The following VWC2 variants were observed in gnomAD, a reference collection of about 807,000 sequenced individuals.
VWC2 encodes the protein brorin.
Under a neutral mutation model 29.8 loss-of-function variants are expected in VWC2, and 14 were observed. That is an observed-to-expected ratio of 0.47 (90% CI 0.31 to 0.74). VWC2 has a LOEUF of 0.74. VWC2 is among the 30% of genes least tolerant of loss of function. The probability of loss-of-function intolerance (pLI) is 0.05; values close to 1 mark genes in which losing one functional copy is unlikely to be tolerated. For missense variants in VWC2, 457 were observed against 459.8 expected, an observed-to-expected ratio of 0.99 and a Z score of 0.05; for synonymous variants, 213 against 199.0, an observed-to-expected ratio of 1.07 and a Z score of -0.59.
chr7:49,861,003 A>C (rs1212837704), intron 3 of VWC2, among the ~76,000 whole-genome samples: 6 of 152,244 alleles, frequency 3.9e-5, no homozygotes, highest in Non-Finnish European at 8.8e-5. Context: ...GTGGTATTTT[A>C]AATGGTAGCT....
At chr7:49,907,181 G>A (rs1334959508) in intron 3 of VWC2, among the ~76,000 whole-genome samples, 1 of 152,138 alleles carries the variant, frequency 6.6e-6, no homozygotes, top group East Asian at 1.9e-4. Context: ...GAAATAATTT[G>A]CTTATTCTTA....
chr7:49,796,956 A>AT (rs1788606620), intron 2 of VWC2, among the ~76,000 whole-genome samples: 1 of 152,052 alleles, frequency 6.6e-6, no homozygotes, highest in Non-Finnish European at 1.5e-5. Flanking sequence ...TATAGGTCTC[A>AT]TTTTTCATTT....
intron 3 of VWC2, among the ~76,000 whole-genome samples, chr7:49,857,511 A>G (rs1170301421): frequency 6.6e-6 from 1 of 151,390 alleles, no homozygotes; most frequent in Non-Finnish European, 1.5e-5. Flanking sequence ...GATATCTTCA[A>G]AGAAGACATA....
intron 2 of VWC2, among the ~76,000 whole-genome samples, chr7:49,802,327 G>A (rs779345934): frequency 2.6e-5 from 4 of 150,972 alleles, no homozygotes; most frequent in East Asian, 3.9e-4. Flanking sequence ...AGGTGTCTTC[G>A]CAGAAAGTTT....
chr7:49,840,160 G>A (rs771595010), intron 3 of VWC2, among the ~76,000 whole-genome samples: 2 of 152,160 alleles, frequency 1.3e-5, no homozygotes, highest in Admixed American at 6.6e-5. Flanking sequence ...CTGTTCTTCC[G>A]TCAGTGGTAG....
intron 3 of VWC2, among the ~76,000 whole-genome samples, chr7:49,815,129 C>A (rs140793644): frequency 6.6e-6 from 1 of 152,090 alleles, no homozygotes; most frequent in Non-Finnish European, 1.5e-5. Flanking sequence ...AACACTGAGG[C>A]ACTTATTGTT....
chr7:49,821,632 G>T (rs1414458434), intron 3 of VWC2, among the ~76,000 whole-genome samples: 3 of 150,842 alleles, frequency 2.0e-5, no homozygotes, highest in African/African-American at 7.3e-5. Flanking sequence ...AATTTTCAAA[G>T]TTAGTAATTA....
At chr7:49,777,931 T>A (rs1788086340) in intron 2 of VWC2, among the ~76,000 whole-genome samples, 1 of 152,068 alleles carries the variant, frequency 6.6e-6, no homozygotes, top group Admixed American at 6.6e-5. Context: ...AAGTCAAAGA[T>A]AAGCAGTTGG....
chr7:49,881,997 A>T (rs2128727396), intron 3 of VWC2, among the ~76,000 whole-genome samples: 1 of 152,240 alleles, frequency 6.6e-6, no homozygotes, highest in East Asian at 1.9e-4. Context: ...AGCCTAAGAA[A>T]AAATGAAAAC....
chr7:49,849,837 C>G (rs1350445650), intron 3 of VWC2, among the ~76,000 whole-genome samples: 1 of 152,204 alleles, frequency 6.6e-6, no homozygotes, highest in African/African-American at 2.4e-5. Context: ...AGATTCTAAC[C>G]TGCGAGGCCA....
In VWC2 at chr7:49,836,972, A is replaced by G. The variant is rs140605334; in HGVS notation, c.826+34132A>G. On this transcript the variant is annotated intron_variant, in intron 3 of 3. Transcript: ENST00000340652. ...CAAAAATCATGAGAATGTGTGCACA[A>G]CTAATTACTGAAGTATATAGTCACT... Among the ~76,000 whole-genome samples the G allele has an allele frequency of 2.7e-3, 410 of 152,372 alleles. 3 individuals are homozygous for G. The highest frequency in any genetic ancestry group is 9.2e-3 in the African/African-American group (381 of 41,594).
intron 3 of VWC2, among the ~76,000 whole-genome samples, chr7:49,820,415 G>A (rs907929686): frequency 1.2e-4 from 19 of 152,158 alleles, no homozygotes; most frequent in Non-Finnish European, 2.2e-4. Context: ...CATTCATTAA[G>A]ATTTTATAAG....
At chr7:49,899,773 A>C (rs1413949214) in intron 3 of VWC2, among the ~76,000 whole-genome samples, 3 of 151,946 alleles carry the variant, frequency 2.0e-5, no homozygotes, top group Non-Finnish European at 4.4e-5. Context: ...CGGGAAGCTG[A>C]AAAATCAGTA....
intron 3 of VWC2, among the ~76,000 whole-genome samples, chr7:49,881,549 C>T (rs915562431): frequency 3.3e-5 from 5 of 152,152 alleles, no homozygotes; most frequent in African/African-American, 1.2e-4. Context: ...CAGGAGGAAG[C>T]TCAAGATATG....
At chr7:49,786,478 A>G (rs1788301120) in intron 2 of VWC2, among the ~76,000 whole-genome samples, 1 of 152,148 alleles carries the variant, frequency 6.6e-6, no homozygotes, top group East Asian at 1.9e-4. Flanking sequence ...AGAAGGATTT[A>G]TTTTCCTTTG....
intron 3 of VWC2, among the ~76,000 whole-genome samples, chr7:49,868,895 G>A (rs1038980990): frequency 6.6e-6 from 1 of 152,108 alleles, no homozygotes; most frequent in Non-Finnish European, 1.5e-5. Context: ...CTGGGATTAC[G>A]GGCATGAGCC....
chr7:49,815,714 C>T (rs1467457035), intron 3 of VWC2, among the ~76,000 whole-genome samples: 3 of 152,124 alleles, frequency 2.0e-5, no homozygotes, highest in Non-Finnish European at 4.4e-5. Context: ...TACAGTAAAA[C>T]TTTGGTCAAG....
chr7:49,862,008 A>G (rs1015703623), intron 3 of VWC2, among the ~76,000 whole-genome samples: 3 of 152,192 alleles, frequency 2.0e-5, no homozygotes, highest in East Asian at 1.9e-4. Flanking sequence ...TTCCATTTCC[A>G]TAAAAAATGG....
chr7:49,869,141 CTT>C (rs1791030955), intron 3 of VWC2, among the ~76,000 whole-genome samples: 1 of 151,816 alleles, frequency 6.6e-6, no homozygotes, highest in Admixed American at 6.6e-5. Context: ...TAGTTATGTG[CTT>C]AAACACTACA....
Sources: gnomAD v4.1 joint callset for allele counts (sites outside exome capture counted in the v4.1 genomes callset) on GRCh38, gnomAD v4.1.1 for gene constraint, MANE v1.5 for transcripts, NCBI Gene and HGNC (gene_info 2026-07-23, HGNC 2026-07-21) for gene names.